ARID1B: variants seen among roughly 807,000 people sequenced by gnomAD.
ARID1B encodes the protein AT-rich interactive domain-containing protein 1B.
A neutral mutation model predicts 212.3 loss-of-function variants in ARID1B; 30 were observed. The observed-to-expected ratio is 0.14, with a 90% confidence interval of 0.11 to 0.19. ARID1B has a LOEUF of 0.19. ARID1B is among the 10% of genes least tolerant of loss of function. The pLI is 1.00. For synonymous variants in ARID1B, 1,402 were observed against 1,301.7 expected (o/e 1.08, Z -1.66); for missense variants, 2,891 against 3,204.0 (o/e 0.90, Z 2.36).
intron 4 of ARID1B, among the ~76,000 whole-genome samples, chr6:157,081,138 GA>G (rs550758834): frequency 1.5e-4 from 23 of 152,332 alleles, no homozygotes; most frequent in African/African-American, 5.1e-4. Flanking sequence ...CCCCTTAAAA[GA>G]GACTGCCTGC....
chr6:156,851,385 G>T (rs1460784727), intron 2 of ARID1B, among the ~76,000 whole-genome samples: 2 of 152,168 alleles, frequency 1.3e-5, no homozygotes. Flanking sequence ...GTATATTTAG[G>T]AAATAACAAT....
intron 2 of ARID1B, among the ~76,000 whole-genome samples, chr6:156,866,201 A>T (rs1438074266): frequency 6.6e-6 from 1 of 152,142 alleles, no homozygotes; most frequent in Non-Finnish European, 1.5e-5. Context: ...GATTCTGTGG[A>T]TACTGCTGTG....
At chr6:157,150,783 A>G (rs1583409154) in intron 8 of ARID1B, 1 of 183,360 alleles carries the variant, frequency 5.5e-6, no homozygotes, top group South Asian at 2.0e-4. Flanking sequence ...CGGACGCCCC[A>G]TGTTTTCTTC....
At chr6:156,844,580 A>G (rs1784104619) in intron 2 of ARID1B, among the ~76,000 whole-genome samples, 1 of 152,224 alleles carries the variant, frequency 6.6e-6, no homozygotes. Flanking sequence ...CCAAAAATCT[A>G]AAGTAATGTT....
chr6:156,867,461 C>T (rs1447442290), intron 2 of ARID1B, among the ~76,000 whole-genome samples: 2 of 152,134 alleles, frequency 1.3e-5, no homozygotes, highest in Non-Finnish European at 2.9e-5. Flanking sequence ...ATGATAAGTA[C>T]ACTGTTTCCT....
chr6:157,070,911 A>T (rs1783969750), intron 4 of ARID1B, among the ~76,000 whole-genome samples: 1 of 152,158 alleles, frequency 6.6e-6, no homozygotes, highest in South Asian at 2.1e-4. Context: ...CTCTTGTGAG[A>T]AATTCCTTTC....
chr6:156,905,367 A>G (rs1004548990), intron 3 of ARID1B, among the ~76,000 whole-genome samples: 5 of 151,998 alleles, frequency 3.3e-5, no homozygotes, highest in African/African-American at 1.2e-4. Context: ...TGGTAAGCCG[A>G]TGGTCTGATG....
rs1778843256 is a variant in ARID1B, at chr6:156,778,400, G to A, written c.720G>A (p.Pro240=). Residue 240 remains proline (P), a synonymous_variant, in exon 1 of 20, where the codon CCG becomes CCA. Coordinates refer to ENST00000636930, the MANE Select transcript of ARID1B (RefSeq NM_001374828.1). The part of the protein sequence containing the change: ...APQPGPDMEQ[P]QHGGAKDSAA... The stretch of plus-strand genomic sequence containing the variant: ...AGCCCGGCCCCGACATGGAGCAGCC[G>A]CAACATGGAGGCGCCAAGGACAGTG... 1.3e-6 allele frequency: 2 copies of A among 1,533,656 alleles called. No homozygotes were observed. Among genetic ancestry groups the A allele is most frequent in the South Asian group, 2.4e-5 (2 of 83,790 alleles).
chr6:157,091,833 C>A (rs1049851914), intron 5 of ARID1B, among the ~76,000 whole-genome samples: 1 of 152,200 alleles, frequency 6.6e-6, no homozygotes, highest in African/African-American at 2.4e-5. Flanking sequence ...AGTGTCGTTT[C>A]GTGATGACAT....
In ARID1B at chr6:156,778,132, A is replaced by G. The variant is rs1181884071; in HGVS notation, c.452A>G (p.Lys151Arg). The stretch of plus-strand genomic sequence containing the variant: ...GAGACGGGGCTGCTCCCCAACCACA[A>G]ACTGAAAACCGTTGGCGAAGCCCCC... ...AMETGLLPNHKLKTVGEAPAA... is the reference protein window; with the variant it reads ...AMETGLLPNHRLKTVGEAPAA... Residue 151 changes from lysine to arginine, a missense_variant, in exon 1 of 20, where the codon AAA becomes AGA. By Grantham distance (26) the Lys-to-Arg change is conservative (BLOSUM62 2). This residue lies in a region of ARID1B where 1,643 missense variants were observed against 1,544.0 expected (regional missense o/e 1.06). Coordinates refer to ENST00000636930, the MANE Select transcript of ARID1B (RefSeq NM_001374828.1). 2 of 1,540,160 alleles carry G rather than the reference A, an allele frequency of 1.3e-6. No homozygotes were observed. Among genetic ancestry groups the G allele is most frequent in the Non-Finnish European group, 1.7e-6 (2 of 1,145,930 alleles).
At chr6:157,125,562 C>T (rs943452659) in intron 6 of ARID1B, among the ~76,000 whole-genome samples, 10 of 152,182 alleles carry the variant, frequency 6.6e-5, no homozygotes, top group East Asian at 1.9e-4. Context: ...CAGATTTGCC[C>T]GGGTCTTTCC....
chr6:156,909,123 C>CTTTTTTTTTT (rs60183999), intron 3 of ARID1B, among the ~76,000 whole-genome samples: 1 of 108,822 alleles, frequency 9.2e-6, no homozygotes, highest in Non-Finnish European at 1.8e-5. Flanking sequence ...TTTTCTTTCT[C>CTTTTTTTTTT]TTTTTTTTTT....
At chr6:156,800,270 C>T (rs185326662) in intron 1 of ARID1B, among the ~76,000 whole-genome samples, 1 of 152,292 alleles carries the variant, frequency 6.6e-6, no homozygotes, top group East Asian at 1.9e-4. Context: ...CAGCCATCAG[C>T]TTTGTGTGGC....
At chr6:157,115,576 G>A (rs1470249419) in intron 6 of ARID1B, among the ~76,000 whole-genome samples, 1 of 152,030 alleles carries the variant, frequency 6.6e-6, no homozygotes, top group African/African-American at 2.4e-5. Flanking sequence ...ACAGGTGCCC[G>A]CCACCACGCC....
At chr6:157,005,889 A>G (rs1422430862) in intron 4 of ARID1B, among the ~76,000 whole-genome samples, 1 of 152,190 alleles carries the variant, frequency 6.6e-6, no homozygotes, top group Non-Finnish European at 1.5e-5. Context: ...CTTTCCATTA[A>G]TAGCTTTTGA....
chr6:157,021,680 A>G (rs1399098294), intron 4 of ARID1B, among the ~76,000 whole-genome samples: 1 of 152,034 alleles, frequency 6.6e-6, no homozygotes, highest in Non-Finnish European at 1.5e-5. Context: ...CCGCAGCCAC[A>G]TTCCTTTCCG....
chr6:157,174,971 G>A lies in ARID1B; in HGVS notation c.3470G>A (p.Ser1157Asn). Reference sequence around the variant, plus strand: ...CATGGAGATGAAAGTGATAGCATTAGCAGCCCAGGCTGGCCAAAGACTCCA... The same window carrying A: ...CATGGAGATGAAAGTGATAGCATTAACAGCCCAGGCTGGCCAAAGACTCCA... Reference protein sequence around the residue: ...SFHGDESDSISSPGWPKTPSS... With the variant: ...SFHGDESDSINSPGWPKTPSS... Residue 1157 changes from serine to asparagine, a missense_variant, in exon 11 of 20, where the codon AGC becomes AAC. Around this residue, in one of 7 missense-constraint regions of ARID1B, gnomAD observed 666 missense variants for 873.5 expected, o/e 0.76. Coordinates refer to ENST00000636930, the MANE Select transcript of ARID1B (RefSeq NM_001374828.1). The A allele has an allele frequency of 6.6e-7, 1 of 1,524,442 alleles. No homozygotes were observed. Among genetic ancestry groups the A allele is most frequent in the Middle Eastern group, 1.7e-4 (1 of 5,772 alleles). 94.4% of individuals were successfully genotyped at this position (1,524,442 alleles called of 1,614,324 possible). A position where few individuals can be genotyped will look rare whatever the true frequency, so the allele number is the denominator to read the frequency against.
intron 2 of ARID1B, chr6:156,870,297 T>A (rs1786023772): frequency 6.6e-6 from 1 of 152,182 alleles, no homozygotes; most frequent in African/African-American, 2.4e-5. Flanking sequence ...GTCGTCAGAT[T>A]GCGTTCATAC....
At chr6:156,794,276 G>C (rs1780201855) in intron 1 of ARID1B, among the ~76,000 whole-genome samples, 1 of 151,756 alleles carries the variant, frequency 6.6e-6, no homozygotes. Flanking sequence ...TGGAGACAGA[G>C]TCTTGCTCTG....
Sources: allele counts gnomAD v4.1 joint callset (sites outside exome capture counted in the v4.1 genomes callset), GRCh38; gene constraint gnomAD v4.1.1; regional missense constraint gnomAD v4.1.1; transcripts MANE v1.5; gene names NCBI Gene and HGNC (gene_info 2026-07-23, HGNC 2026-07-21).